CDH4: variants seen among roughly 807,000 people sequenced by gnomAD.
CDH4 encodes cadherin 4.
In CDH4, 33 loss-of-function variants were observed where a neutral mutation model predicts 86.0. The observed-to-expected ratio is 0.38, with a 90% confidence interval of 0.29 to 0.51. The LOEUF is 0.51. Among genes scored for constraint, CDH4 ranks in the 20% least tolerant of loss-of-function variants. CDH4 has a pLI of 0.86. For synonymous variants in CDH4, 555 were observed against 549.4 expected, an observed-to-expected ratio of 1.01 and a Z score of -0.14; for missense variants, 1,114 against 1,307.4, an observed-to-expected ratio of 0.85 and a Z score of 2.28.
chr20:61,340,892 G>A (rs1287026930), intron 2 of CDH4, among the ~76,000 whole-genome samples: 6 of 152,230 alleles, frequency 3.9e-5, no homozygotes, highest in Admixed American at 3.9e-4. Flanking sequence ...TTTTTGCCCA[G>A]TAAGGGCTAC....
chr20:61,523,277 C>T (rs1001831224), intron 2 of CDH4, among the ~76,000 whole-genome samples: 1 of 152,266 alleles, frequency 6.6e-6, no homozygotes, highest in Non-Finnish European at 1.5e-5. Context: ...GCGACTCCGT[C>T]TTTGGGTGGA....
At chr20:61,691,489 A>C (rs2087654516) in intron 2 of CDH4, among the ~76,000 whole-genome samples, 1 of 152,102 alleles carries the variant, frequency 6.6e-6, no homozygotes, top group Non-Finnish European at 1.5e-5. Flanking sequence ...TACGTTATAG[A>C]TGTAGATATT....
At chr20:61,882,160 G>A (rs1984310634) in intron 7 of CDH4, among the ~76,000 whole-genome samples, 1 of 152,188 alleles carries the variant, frequency 6.6e-6, no homozygotes, top group Admixed American at 6.5e-5. Flanking sequence ...ACAGGAAGCA[G>A]CCAGACCCAG....
At chr20:61,636,876 C>CTG (rs984820129) in intron 2 of CDH4, among the ~76,000 whole-genome samples, 3 of 152,170 alleles carry the variant, frequency 2.0e-5, no homozygotes, top group Non-Finnish European at 4.4e-5. Context: ...GGGCAGCTAG[C>CTG]TGGGGGCCCA....
intron 2 of CDH4, among the ~76,000 whole-genome samples, chr20:61,297,279 G>A (rs1231668951): frequency 2.0e-5 from 3 of 152,144 alleles, no homozygotes; most frequent in Non-Finnish European, 2.9e-5. Context: ...CCAGCTACTC[G>A]GGAGGCTGAG....
chr20:61,389,712 C>T (rs1278821012), intron 2 of CDH4, among the ~76,000 whole-genome samples: 2 of 146,838 alleles, frequency 1.4e-5, no homozygotes, highest in South Asian at 4.3e-4. Flanking sequence ...ACAATTGGCA[C>T]CTGGTGGGTG....
At chr20:61,612,506 A>C (rs2086692857) in intron 2 of CDH4, among the ~76,000 whole-genome samples, 1 of 152,056 alleles carries the variant, frequency 6.6e-6, no homozygotes, top group African/African-American at 2.4e-5. Context: ...TGCCATATGC[A>C]TGCTGTGGTT....
intron 11 of CDH4, among the ~76,000 whole-genome samples, chr20:61,927,520 C>T (rs578221935): frequency 6.6e-6 from 1 of 152,362 alleles, no homozygotes; most frequent in East Asian, 1.9e-4. Flanking sequence ...CTCACAGACA[C>T]TTCCAAAAGC....
At chr20:61,861,259 C>T (rs1026449932) in intron 6 of CDH4, among the ~76,000 whole-genome samples, 6 of 152,202 alleles carry the variant, frequency 3.9e-5, no homozygotes, top group Non-Finnish European at 8.8e-5. Flanking sequence ...TGCGATCATG[C>T]GGTCATCACA....
Position 61,844,666 on chromosome 20 carries a change from A to G in CDH4, c.577-2A>G, listed in dbSNP as rs1555847119. The G allele has an allele frequency of 6.2e-7, 1 of 1,608,404 alleles. No homozygotes were observed. The highest frequency in any genetic ancestry group is 8.5e-7 in the Non-Finnish European group (1 of 1,175,780). ...TCTTCTCGCTTTGCTCCTGCCTTTC[A>G]GATCCGGTCCGACAAAGACAATGAC... is the stretch of plus-strand genomic sequence containing the variant. On this transcript the variant is annotated splice_acceptor_variant, in intron 4 of 15. Coordinates refer to ENST00000614565, the MANE Select transcript of CDH4 (RefSeq NM_001794.5). LOFTEE classifies it high-confidence loss of function.
At chr20:61,803,605 C>T (rs1979954775) in intron 4 of CDH4, among the ~76,000 whole-genome samples, 1 of 152,232 alleles carries the variant, frequency 6.6e-6, no homozygotes, top group South Asian at 2.1e-4. Context: ...GGCCTGGTGG[C>T]CTGGAGGGTG....
At chr20:61,933,858 G>T (rs1351278051) in intron 14 of CDH4, among the ~76,000 whole-genome samples, 198 bp from the exon 15 acceptor site, 1 of 152,226 alleles carries the variant, frequency 6.6e-6, no homozygotes, top group African/African-American at 2.4e-5. Context: ...CTGCCCAAGG[G>T]ATTGGGGTAA....
chr20:61,663,305 C>T lies in CDH4; in HGVS notation c.170-80258C>T, dbSNP rs2087282082. Among the ~76,000 whole-genome samples, 1 of 152,220 alleles carries T rather than the reference C, an allele frequency of 6.6e-6. No homozygotes were observed. The highest frequency in any genetic ancestry group is 1.5e-5 in the Non-Finnish European group (1 of 68,042). On this transcript the variant is annotated intron_variant, in intron 2 of 15. Coordinates refer to ENST00000614565, the MANE Select transcript of CDH4 (RefSeq NM_001794.5). This position sits in a 1 kb window ranked among gnomAD's most constrained non-coding sequence, Gnocchi z 5.0. ...CCACGCAGGAAAGGAGTGGCACCCG[C>T]AGGAGGCCTGTGCTGCGGAGCTCCT...
At chr20:61,318,611 C>T (rs537683525) in intron 2 of CDH4, among the ~76,000 whole-genome samples, 4 of 152,126 alleles carry the variant, frequency 2.6e-5, no homozygotes, top group Non-Finnish European at 4.4e-5. Flanking sequence ...AGGCCTGGTT[C>T]GTGCCCAGGA....
At chr20:61,519,124 G>T (rs1201920394) in intron 2 of CDH4, among the ~76,000 whole-genome samples, 1 of 152,198 alleles carries the variant, frequency 6.6e-6, no homozygotes, top group African/African-American at 2.4e-5. Context: ...TGCTTTAATG[G>T]AAGTTTCCAC....
chr20:61,670,320 G>A (rs1029395767), intron 2 of CDH4, among the ~76,000 whole-genome samples: 16 of 152,216 alleles, frequency 1.1e-4, no homozygotes, highest in Non-Finnish European at 2.2e-4. Context: ...AGTAGGAAGA[G>A]AAAAACTGTT....
chr20:61,572,515 G>T (rs564850715), intron 2 of CDH4, among the ~76,000 whole-genome samples: 1 of 152,290 alleles, frequency 6.6e-6, no homozygotes, highest in South Asian at 2.1e-4. Context: ...TCCTGGAGGA[G>T]GGGGAACTGC....
At chr20:61,695,295 G>T (rs771523373) in intron 2 of CDH4, among the ~76,000 whole-genome samples, 4 of 152,246 alleles carry the variant, frequency 2.6e-5, no homozygotes, top group Non-Finnish European at 5.9e-5. Flanking sequence ...CGTCCTGCCC[G>T]GGAGGCATGA....
chr20:61,461,471 C>G (rs1373770725), intron 2 of CDH4, among the ~76,000 whole-genome samples: 1 of 152,066 alleles, frequency 6.6e-6, no homozygotes, highest in Non-Finnish European at 1.5e-5. Context: ...TCGGCTTCCG[C>G]TGGAAGGAAG....
Sources: allele counts gnomAD v4.1 joint callset (sites outside exome capture counted in the v4.1 genomes callset), GRCh38; gene constraint gnomAD v4.1.1; non-coding constraint Gnocchi (gnomAD v3.1); transcripts MANE v1.5; gene names NCBI Gene and HGNC (gene_info 2026-07-23, HGNC 2026-07-21).